The following SNAPC4 variants were observed in gnomAD, a reference collection of about 807,000 sequenced individuals.
SNAPC4 encodes snRNA-activating protein complex subunit 4.
SNAPC4 carries 127 observed loss-of-function variants against 151.3 expected under a neutral mutation model. The observed-to-expected ratio is 0.84, with a 90% CI of 0.73 to 0.97. SNAPC4 has a LOEUF of 0.97. Ranked by LOEUF, SNAPC4 falls within the 50% of genes least tolerant of loss-of-function variation. SNAPC4 has a pLI of 0.00. For missense variants in SNAPC4, 2,186 were observed against 1,935.0 expected, an observed-to-expected ratio of 1.13 and a Z score of -2.43; for synonymous variants, 1,002 against 824.4, an observed-to-expected ratio of 1.22 and a Z score of -3.69.
chr9:136,377,742 A>AT lies in SNAPC4; in HGVS notation c.4084_4085insA (p.Leu1362HisfsTer38), dbSNP rs1833506960. ...TGCCAGGAACCGCGCCCGCAACAGGAGGTAGGCCGGGTTGTCCTGGAGCTG... is the reference window on the plus strand; with the variant it reads ...TGCCAGGAACCGCGCCCGCAACAGGATGGTAGGCCGGGTTGTCCTGGAGCTG... On this transcript the variant is annotated frameshift_variant, in exon 22 of 24. Transcript: ENST00000684778. LOFTEE classifies it high-confidence loss of function. 6.2e-7 allele frequency: 1 copy of AT among 1,610,174 alleles called. No homozygotes were observed. The highest frequency in any genetic ancestry group is 8.5e-7 in the Non-Finnish European group (1 of 1,178,382).
intron 3 of SNAPC4, 28 bp downstream of exon 3, chr9:136,396,949 G>A: frequency 6.2e-7 from 1 of 1,607,116 alleles, no homozygotes. Context: ...CTGACCCAGT[G>A]GCACAGCCAG....
intron 20 of SNAPC4, 55 bp from the exon 21 acceptor site, chr9:136,379,919 C>T: frequency 1.3e-6 from 2 of 1,563,990 alleles, no homozygotes; most frequent in Middle Eastern, 1.7e-4. Flanking sequence ...CTGGCTTGGA[C>T]CACCTCTCCT....
At chr9:136,397,941 T>A (rs1378109736) in intron 2 of SNAPC4, among the ~76,000 whole-genome samples, 1 of 151,986 alleles carries the variant, frequency 6.6e-6, no homozygotes, top group East Asian at 1.9e-4. Context: ...GAGCCCAGTG[T>A]ACACACACAG....
chr9:136,393,759 A>G (rs1834163265), intron 7 of SNAPC4, among the ~76,000 whole-genome samples: 1 of 152,210 alleles, frequency 6.6e-6, no homozygotes, highest in African/African-American at 2.4e-5. Flanking sequence ...CCGCCCGGCC[A>G]TGGGGAAGCC....
At chr9:136,381,677 G>A (rs962426563) in intron 18 of SNAPC4, 147 bp downstream of exon 18, 14 of 977,894 alleles carry the variant, frequency 1.4e-5, no homozygotes, top group African/African-American at 8.1e-5. Context: ...CTTCAGGGAC[G>A]GGAAGCTGAC....
rs2131468683 is a variant in SNAPC4 at position 136,382,303 on chromosome 9, T to C, written c.2017A>G (p.Thr673Ala). ...TTGGCCCTGAGCACCCTCAGCACGG[T>C]CTCCACAGGCACTGTCAGCAGACGC... is the stretch of plus-strand genomic sequence containing the variant. ...GRRLLTVPVE[T>A]VLRVLRANTA... Residue 673 changes from threonine (T) to alanine (A), a missense_variant, in exon 17 of 24, where the codon ACC (threonine) becomes GCC (alanine). Physicochemically the swap from Thr to Ala is moderately conservative, Grantham distance 58. Transcript: ENST00000684778. The C allele has an allele frequency of 6.2e-7, 1 of 1,613,044 alleles. No individual in the cohort carries two copies. Among genetic ancestry groups the C allele is most frequent in the Non-Finnish European group, 8.5e-7 (1 of 1,179,944 alleles).
chr9:136,391,468 GAGA>G (rs1159593884), intron 10 of SNAPC4, among the ~76,000 whole-genome samples: 1 of 152,146 alleles, frequency 6.6e-6, no homozygotes, highest in African/African-American at 2.4e-5. Flanking sequence ...GGAAATCTAT[GAGA>G]AGAAGAGTTC....
Position 136,387,756 on chromosome 9 carries a change from G to C in SNAPC4, c.1216C>G (p.Pro406Ala). 2.5e-6 allele frequency: 4 copies of C among 1,608,114 alleles called. No individual in the cohort carries two copies. Among genetic ancestry groups the C allele is most frequent in the Non-Finnish European group, 2.6e-6 (3 of 1,174,674 alleles). The change falls in exon 12 of 24, where the codon CCG becomes GCG. Residue 406 changes from proline (P) to alanine (A), a missense_variant. Pro to Ala is a conservative substitution (Grantham distance 27, BLOSUM62 -1). Transcript: ENST00000684778. ...DPGLKKGYWA[P>A]EEDAKLLQAV... Reference sequence around the variant, plus strand: ...CGCACACTTACAGCATCTTCCTCCGGGGCCCAGTAACCCTTCTTCAGACCA... The same window carrying C: ...CGCACACTTACAGCATCTTCCTCCGCGGCCCAGTAACCCTTCTTCAGACCA...
At position 136,386,459 on chromosome 9, in the gene SNAPC4, G is replaced by A. The variant is rs536837701; in HGVS notation, c.1325+1026C>T. Among the ~76,000 whole-genome samples the A allele has an allele frequency of 1.6e-3, 229 of 143,792 alleles. 1 individual carries two copies. Among genetic ancestry groups the A allele is most frequent in the African/African-American group, 5.7e-3 (219 of 38,430 alleles). The allele number at this position is 143,792 out of a possible 152,430, so 94.3% of individuals were successfully genotyped here. A position where few individuals can be genotyped will look rare whatever the true frequency, so the allele number is the denominator to read the frequency against. ...ATTTTTTTTTTTTTTTTTTTGAGACGGAGTTTCACTCGTCGCCCAGGCTAG... is the reference window on the plus strand; with the variant it reads ...ATTTTTTTTTTTTTTTTTTTGAGACAGAGTTTCACTCGTCGCCCAGGCTAG... On this transcript the variant is annotated intron_variant, in intron 13 of 23. Coordinates refer to ENST00000684778, the MANE Select transcript of SNAPC4 (RefSeq NM_003086.4).
At chr9:136,396,659 G>T (rs1834284186) in intron 3 of SNAPC4, among the ~76,000 whole-genome samples, 1 of 152,214 alleles carries the variant, frequency 6.6e-6, no homozygotes, top group South Asian at 2.1e-4. Context: ...GAGGCACAGA[G>T]AGGCGAGCTG....
In SNAPC4 at chr9:136,378,499, C is replaced by T; in HGVS notation, c.3328G>A (p.Ala1110Thr). Residue 1110 changes from alanine (A) to threonine (T), a missense_variant, in exon 22 of 24, where the codon GCC (alanine) becomes ACC (threonine). Transcript: ENST00000684778. Reference protein sequence around the residue: ...AGTPGPAGLLATLLPPLTETR... With the variant: ...AGTPGPAGLLTTLLPPLTETR... ...TCAGTCAGGGGAGGCAGCAGAGTGG[C>T]CAGCAGCCCTGCGGGGCCAGGGGTC... 2 of 1,591,606 alleles carry T rather than the reference C, an allele frequency of 1.3e-6. No individual in the cohort carries two copies. The highest frequency in any genetic ancestry group is 2.2e-5 in the East Asian group (1 of 44,650).
chr9:136,386,939 GA>G (rs1210368581), intron 13 of SNAPC4, among the ~76,000 whole-genome samples: 1 of 151,910 alleles, frequency 6.6e-6, no homozygotes, highest in East Asian at 1.9e-4. Flanking sequence ...GCTTTTAGTA[GA>G]GATGGGGTTT....
chr9:136,383,610 G>C lies in SNAPC4; in HGVS notation c.1559C>G (p.Ser520Cys). The C allele has an allele frequency of 6.2e-7, 1 of 1,612,132 alleles. No homozygotes were observed. The highest frequency in any genetic ancestry group is 8.5e-7 in the Non-Finnish European group (1 of 1,179,740). ...ACTGCTGCTGCCGCTGCTGCTGGTA[G>C]AGCTCCACCGGACGCTGTGACGGGC... Reference protein sequence around the residue: ...RRARHSVRWSSTSSSGSSSGS... With the variant: ...RRARHSVRWSCTSSSGSSSGS... Residue 520 changes from serine to cysteine, a missense_variant, in exon 16 of 24, where the codon TCT becomes TGT. By Grantham distance (112) the Ser-to-Cys change is moderately radical. Transcript: ENST00000684778. This position sits in a 1 kb window ranked among gnomAD's most constrained non-coding sequence, Gnocchi z 4.2.
chr9:136,377,457 G>A (rs942973634), intron 22 of SNAPC4, 86 bp downstream of exon 22: 3 of 1,444,976 alleles, frequency 2.1e-6, no homozygotes, highest in South Asian at 3.1e-5. Flanking sequence ...ACTTCCACCA[G>A]CCCCCACCCC....
intron 10 of SNAPC4, among the ~76,000 whole-genome samples, chr9:136,390,960 G>C (rs916653601): frequency 2.0e-5 from 3 of 151,624 alleles, no homozygotes; most frequent in Non-Finnish European, 2.9e-5. Flanking sequence ...TCAGCCTCCC[G>C]AGTAGCTGGG....
At chr9:136,395,236 G>C (rs762641713) in intron 5 of SNAPC4, 62 bp downstream of exon 5, 163 of 1,563,442 alleles carry the variant, frequency 1.0e-4, no homozygotes, top group Non-Finnish European at 1.2e-4. Context: ...CAGGACTTGG[G>C]GACAAGAACC....
chr9:136,398,197 C>G lies in SNAPC4; in HGVS notation c.130+102G>C, dbSNP rs554945184. 7 of 1,306,072 alleles carry G rather than the reference C, an allele frequency of 5.4e-6. No individual in the cohort carries two copies. In the Admixed American group the frequency reaches 1.7e-4, roughly 32 times the overall value. 80.9% of individuals were successfully genotyped at this position (1,306,072 alleles called of 1,614,324 possible). ...CCCTGGGTTTACAGGCCTGAGAAAC[C>G]ACACCCGGCTACCATCACTCCCTAA... On this transcript the variant is annotated intron_variant, in intron 2 of 23. Transcript: ENST00000684778.
In SNAPC4 at chr9:136,396,992, G is replaced by A. The variant is rs141204784; in HGVS notation, c.162C>T (p.Ala54=). ...DSLPSEDLDP[A]DPPISEEERW... ...CAACAGTTACCGAGATCGGGGGATCGGCAGGATCCAAGTCCTCAGAAGGCA... is the reference window on the plus strand; with the variant it reads ...CAACAGTTACCGAGATCGGGGGATCAGCAGGATCCAAGTCCTCAGAAGGCA... Residue 54 remains alanine (A), a synonymous_variant, in exon 3 of 24, where the codon GCC becomes GCT. Transcript: ENST00000684778. 316 of 1,612,852 alleles carry A rather than the reference G, an allele frequency of 2.0e-4. 1 individual carries two copies. Among genetic ancestry groups the A allele is most frequent in the Non-Finnish European group, 2.4e-4 (280 of 1,179,852 alleles).
intron 16 of SNAPC4, 117 bp from the exon 17 acceptor site, chr9:136,382,453 A>G: frequency 1.1e-6 from 1 of 874,640 alleles, no homozygotes; most frequent in South Asian, 1.5e-5. Context: ...GTGGCTGTGT[A>G]CAGCTCTGCT....
Sources: gnomAD v4.1 joint callset for allele counts (sites outside exome capture counted in the v4.1 genomes callset) on GRCh38, gnomAD v4.1.1 for gene constraint, Gnocchi (gnomAD v3.1) non-coding constraint, MANE v1.5 for transcripts, NCBI Gene and HGNC (gene_info 2026-07-23, HGNC 2026-07-21) for gene names.